The following KLRG1 variants were observed in gnomAD, a reference collection of about 807,000 sequenced individuals.
KLRG1 encodes the protein killer cell lectin-like receptor subfamily G member 1.
A neutral mutation model predicts 21.8 loss-of-function variants in KLRG1; 16 were observed. The observed-to-expected ratio is 0.73, with a 90% CI of 0.50 to 1.11. The LOEUF (loss-of-function observed/expected upper bound fraction) is 1.11. Among genes scored for constraint, KLRG1 ranks in the 50% most tolerant of loss-of-function variants. KLRG1 has a pLI of 0.00. For synonymous variants in KLRG1, 69 were observed against 75.9 expected, an observed-to-expected ratio of 0.91 and a Z score of 0.47; for missense variants, 173 against 218.3, an observed-to-expected ratio of 0.79 and a Z score of 1.31.
At chr12:9,101,405 T>A in the KLRG1 span, 1 of 1,527,848 alleles carries the variant, frequency 6.5e-7, no homozygotes, top group Non-Finnish European at 9.0e-7. Flanking sequence ...CACAGAGAGC[T>A]TTTGTCTACA....
At chr12:9,028,089 A>G in the KLRG1 span, 1 of 1,158,626 alleles carries the variant, frequency 8.6e-7, no homozygotes, top group Non-Finnish European at 1.3e-6. Flanking sequence ...CATGATTTCA[A>G]TCACTTCAAT....
the KLRG1 span, chr12:9,116,293 C>T: frequency 4.3e-6 from 1 of 231,882 alleles, no homozygotes; most frequent in South Asian, 6.4e-5. Context: ...AGATATTTCA[C>T]TACAAGTCAG....
At position 9,010,186 on chromosome 12, in the gene KLRG1, T is replaced by TAAAA; in HGVS notation, c.*661_*664dup. The TAAAA allele has an allele frequency of 9.5e-6, 4 of 420,448 alleles. No individual in the cohort carries two copies. The highest frequency in any genetic ancestry group is 4.5e-5 in the South Asian group (1 of 22,170). The allele number at this position is 420,448 out of a possible 1,614,324, so 26.0% of individuals were successfully genotyped here. ...GGGAGATAGAGCAAGACTCCATCTCTAAAAAAAAAAAAAAATGCTAATGTG... is the reference window on the plus strand; with the variant it reads ...GGGAGATAGAGCAAGACTCCATCTCTAAAAAAAAAAAAAAAAAAATGCTAATGTG... On this transcript the variant is annotated 3_prime_UTR_variant, in exon 5 of 5. Coordinates refer to ENST00000356986, the MANE Select transcript of KLRG1 (RefSeq NM_005810.4).
At chr12:9,127,902 G>C in the KLRG1 span, 4 of 332,432 alleles carry the variant, frequency 1.2e-5, no homozygotes, top group Admixed American at 1.4e-4. Flanking sequence ...GACCATTGAA[G>C]ACCTGCGGGA....
the KLRG1 span, among the ~76,000 whole-genome samples, chr12:9,193,702 T>C: frequency 1.3e-5 from 2 of 152,180 alleles, no homozygotes; most frequent in Non-Finnish European, 1.5e-5. Context: ...TCATCGTCAT[T>C]AGACAGTGTA....
chr12:9,173,735 G>C, the KLRG1 span, among the ~76,000 whole-genome samples: 1 of 152,074 alleles, frequency 6.6e-6, no homozygotes, highest in African/African-American at 2.4e-5. Context: ...TAGAAGAAAT[G>C]GATAAACTAC....
At chr12:9,164,968 T>A in the KLRG1 span, among the ~76,000 whole-genome samples, 2 of 152,212 alleles carry the variant, frequency 1.3e-5, no homozygotes, top group African/African-American at 2.4e-5. Context: ...AGCACATATA[T>A]CATTGTATTA....
the KLRG1 span, chr12:9,167,458 G>A: frequency 6.6e-6 from 1 of 152,086 alleles, no homozygotes; most frequent in Non-Finnish European, 1.5e-5. Flanking sequence ...AGAGATCCTT[G>A]GGAGAAATGT....
At chr12:9,082,846 T>C in the KLRG1 span, among the ~76,000 whole-genome samples, 1 of 152,356 alleles carries the variant, frequency 6.6e-6, no homozygotes, top group South Asian at 2.1e-4. Context: ...AAGTTTGACA[T>C]AGAAACGATT....
chr12:9,075,459 T>G, the KLRG1 span, among the ~76,000 whole-genome samples: 3 of 152,172 alleles, frequency 2.0e-5, no homozygotes, highest in African/African-American at 7.2e-5. Flanking sequence ...AAAAAATCCA[T>G]GAGGAGAAAC....
chr12:8,993,209 A>G (rs770597262), intron 2 of KLRG1, among the ~76,000 whole-genome samples: 1 of 151,732 alleles, frequency 6.6e-6, no homozygotes, highest in African/African-American at 2.4e-5. Context: ...TTTACAGTCT[A>G]GAGTCCTAGC....
chr12:9,182,909 C>A, the KLRG1 span, among the ~76,000 whole-genome samples: 18 of 152,160 alleles, frequency 1.2e-4, no homozygotes, highest in Non-Finnish European at 2.4e-4. Context: ...TCCATGTCTT[C>A]CTTTTCTCTA....
the KLRG1 span, chr12:9,152,344 T>C: frequency 6.4e-7 from 1 of 1,558,188 alleles, no homozygotes; most frequent in Non-Finnish European, 8.9e-7. Context: ...TTTAGGGTTT[T>C]ATACGTGAAA....
At chr12:8,973,215 A>T (rs1443156191) in intron 1 of KLRG1, among the ~76,000 whole-genome samples, 1 of 150,792 alleles carries the variant, frequency 6.6e-6, no homozygotes, top group Non-Finnish European at 1.5e-5. Context: ...TTTGATAAAG[A>T]TTGCATTTAA....
the KLRG1 span, chr12:9,157,147 T>G: frequency 6.2e-7 from 1 of 1,601,326 alleles, no homozygotes; most frequent in Non-Finnish European, 8.5e-7. Flanking sequence ...GTTCTCATTG[T>G]TCAGCTCCCA....
chr12:9,074,865 A>G, the KLRG1 span: 2 of 1,371,822 alleles, frequency 1.5e-6, no homozygotes, highest in African/African-American at 1.5e-5. Context: ...CCAGTGCTGA[A>G]ATGAGAATTG....
the KLRG1 span, chr12:9,128,578 C>T: frequency 1.3e-5 from 2 of 152,180 alleles, no homozygotes; most frequent in Non-Finnish European, 2.9e-5. Flanking sequence ...AGATCACTGC[C>T]GACCGCATCC....
chr12:9,046,412 C>T, the KLRG1 span, among the ~76,000 whole-genome samples: 2 of 152,186 alleles, frequency 1.3e-5, no homozygotes, highest in African/African-American at 2.4e-5. Flanking sequence ...GTTCAGAGAA[C>T]ACCACACAGG....
the KLRG1 span, among the ~76,000 whole-genome samples, chr12:9,195,678 T>A: frequency 1.4e-5 from 2 of 140,268 alleles, no homozygotes; most frequent in African/African-American, 5.2e-5. Context: ...GATCTAGAAC[T>A]CCTGGCCTCA....
Sources: allele counts gnomAD v4.1 joint callset (sites outside exome capture counted in the v4.1 genomes callset), GRCh38; gene constraint gnomAD v4.1.1; transcripts MANE v1.5; gene names NCBI Gene and HGNC (gene_info 2026-07-23, HGNC 2026-07-21).